FCGRT: variants seen among roughly 807,000 people sequenced by gnomAD.
FCGRT encodes IgG receptor FcRn large subunit p51.
A neutral mutation model predicts 35.7 loss-of-function variants in FCGRT; 13 were observed. The observed-to-expected ratio is 0.36, with a 90% CI of 0.24 to 0.58. FCGRT has a LOEUF of 0.58. Among genes scored for constraint, FCGRT ranks in the 20% least tolerant of loss-of-function variants. The pLI is 0.77. For missense variants in FCGRT, 455 were observed against 474.9 expected, an observed-to-expected ratio of 0.96 and a Z score of 0.39; for synonymous variants, 233 against 216.5, an observed-to-expected ratio of 1.08 and a Z score of -0.67.
intron 1 of FCGRT, 39 bp from the exon 2 acceptor site, chr19:49,513,348 C>CGGGGGGGG: frequency 1.0e-6 from 1 of 987,844 alleles, no homozygotes; most frequent in Non-Finnish European, 1.3e-6. Flanking sequence ...AGGGGCGGGC[C>CGGGGGGGG]GGGGGTCGGG....
chr19:49,514,536 C>G, intron 4 of FCGRT, 50 bp downstream of exon 4: 1 of 1,482,358 alleles, frequency 6.7e-7, no homozygotes, highest in Non-Finnish European at 9.0e-7. Context: ...TCCCGTCATG[C>G]CCACCTGCCT....
At chr19:49,516,116 T>C (rs1363590296) in intron 4 of FCGRT, 3 of 449,354 alleles carry the variant, frequency 6.7e-6, no homozygotes, top group Non-Finnish European at 1.3e-5. Flanking sequence ...GCTCCCAGGC[T>C]GCTGGACAAA....
chr19:49,522,418 A>T (rs2080046338), intron 4 of FCGRT, among the ~76,000 whole-genome samples: 1 of 147,560 alleles, frequency 6.8e-6, no homozygotes, highest in African/African-American at 2.5e-5. Context: ...TCTTTTTTTA[A>T]ATTTTTTAAA....
At position 49,513,429 on chromosome 19, in the gene FCGRT, C is replaced by A; in HGVS notation, c.29C>A (p.Ala10Glu). 1 of 1,241,604 alleles carries A rather than the reference C, an allele frequency of 8.1e-7. No individual in the cohort carries two copies. The highest frequency in any genetic ancestry group is 3.2e-5 in the East Asian group (1 of 31,384). The allele number at this position is 1,241,604 out of a possible 1,614,324, so 76.9% of individuals were successfully genotyped here. The part of the protein sequence containing the change: MGVPRPQPW[A>E]LGLLLFLLPG... ...GGGGTCCCGCGGCCTCAGCCCTGGG[C>A]GCTGGGGCTCCTGCTCTTTCTCCTT... Residue 10 changes from alanine to glutamate, a missense_variant, in exon 2 of 7, where the codon GCG (alanine) becomes GAG (glutamate). Physicochemically the swap from Ala to Glu is moderately radical, Grantham distance 107 (BLOSUM62 -1). Transcript: ENST00000221466.
chr19:49,525,968 C>G (rs1399278931), intron 6 of FCGRT, 42 bp from the exon 7 acceptor site: 5 of 1,257,606 alleles, frequency 4.0e-6, no homozygotes, highest in African/African-American at 1.5e-5. Context: ...CCCAGAGCGC[C>G]TCAGAGATTC....
chr19:49,525,156 C>A (rs555127659), intron 5 of FCGRT: 1 of 511,566 alleles, frequency 2.0e-6, no homozygotes, highest in East Asian at 4.1e-5. Flanking sequence ...TGCTACTGCC[C>A]GGGCCCATGA....
At chr19:49,523,847 A>G (rs1470239690) in intron 4 of FCGRT, among the ~76,000 whole-genome samples, 2 of 148,480 alleles carry the variant, frequency 1.3e-5, no homozygotes, top group African/African-American at 2.5e-5. Context: ...GAGACAGAGC[A>G]AGATTCCATC....
intron 6 of FCGRT, 76 bp from the exon 7 acceptor site, chr19:49,525,934 C>A: frequency 1.1e-6 from 1 of 890,596 alleles, no homozygotes; most frequent in Non-Finnish European, 1.9e-6. Flanking sequence ...GAGACACACA[C>A]ACAAATGGGG....
chr19:49,518,540 T>G (rs1009724193), intron 4 of FCGRT, among the ~76,000 whole-genome samples: 3 of 152,064 alleles, frequency 2.0e-5, no homozygotes, highest in African/African-American at 7.2e-5. Flanking sequence ...TATTTTTGTT[T>G]GTTTGTTTTT....
At chr19:49,524,172 A>G (rs528919353) in intron 4 of FCGRT, among the ~76,000 whole-genome samples, 1 of 151,726 alleles carries the variant, frequency 6.6e-6, no homozygotes, top group South Asian at 2.1e-4. Flanking sequence ...GTGCCCGGCT[A>G]ATTTTTGTAT....
intron 4 of FCGRT, 37 bp from the exon 5 acceptor site, chr19:49,524,470 G>T: frequency 6.3e-7 from 1 of 1,584,858 alleles, no homozygotes; most frequent in Non-Finnish European, 8.6e-7. Context: ...GGAGTGGTGG[G>T]CTCGCGACTT....
At chr19:49,518,873 C>A (rs573318978) in intron 4 of FCGRT, among the ~76,000 whole-genome samples, 1 of 147,230 alleles carries the variant, frequency 6.8e-6, no homozygotes, top group African/African-American at 2.5e-5. Flanking sequence ...GACGGAGTCT[C>A]GCTCTGTCAC....
chr19:49,525,840 T>TGTAGAAAGAGGGGG, intron 6 of FCGRT, 170 bp from the exon 7 acceptor site: 3 of 678,860 alleles, frequency 4.4e-6, no homozygotes, highest in Non-Finnish European at 7.9e-6. Flanking sequence ...GAGGCAAAGA[T>TGTAGAAAGAGGGGG]GTAGAAAGAG....
At position 49,524,625 on chromosome 19, in the gene FCGRT, G is replaced by A; in HGVS notation, c.720G>A (p.Leu240=). The change falls in exon 5 of 7, where the codon CTG becomes CTA. Residue 240 remains leucine (L), a synonymous_variant. Transcript: ENST00000221466. ...AACTTCGGTTCCTGCGGAATGGGCT[G>A]GCCGCTGGCACCGGCCAGGGTGACT... The part of the protein sequence containing the change: ...ELQLRFLRNG[L]AAGTGQGDFG... The A allele has an allele frequency of 6.2e-7, 1 of 1,610,254 alleles. No individual in the cohort carries two copies. The highest frequency in any genetic ancestry group is 2.2e-5 in the East Asian group (1 of 44,882).
At chr19:49,522,917 A>G (rs1057472200) in intron 4 of FCGRT, among the ~76,000 whole-genome samples, 2 of 151,188 alleles carry the variant, frequency 1.3e-5, no homozygotes, top group Non-Finnish European at 1.5e-5. Context: ...GGCTGGGACT[A>G]CAGGCGCCGG....
rs764132164 is a variant in FCGRT, at chr19:49,513,972, C to G, written c.164C>G (p.Pro55Arg). ...PAFWVSGWLGPQQYLSYNSLR... is the reference protein window; with the variant it reads ...PAFWVSGWLGRQQYLSYNSLR... ...TTCTGGGTGTCCGGCTGGCTGGGCCCGCAGCAGTACCTGAGCTACAATAGC... is the reference window on the plus strand; with the variant it reads ...TTCTGGGTGTCCGGCTGGCTGGGCCGGCAGCAGTACCTGAGCTACAATAGC... The change falls in exon 3 of 7, where the codon CCG becomes CGG. Residue 55 changes from proline (P) to arginine (R), a missense_variant. Coordinates refer to ENST00000221466, the MANE Select transcript of FCGRT (RefSeq NM_001136019.3). 5 of 1,613,840 alleles carry G rather than the reference C, an allele frequency of 3.1e-6. No individual in the cohort carries two copies. In the African/African-American group the frequency reaches 4.0e-5, roughly 13 times the overall value.
chr19:49,522,978 C>T (rs183756872), intron 4 of FCGRT, among the ~76,000 whole-genome samples: 149 of 151,612 alleles, frequency 9.8e-4, no homozygotes, highest in African/African-American at 3.5e-3. Context: ...GGGGTTTCAC[C>T]GTGTTAGCCG....
At chr19:49,524,428 C>A in intron 4 of FCGRT, 79 bp from the exon 5 acceptor site, 2 of 1,456,280 alleles carry the variant, frequency 1.4e-6, no homozygotes, top group South Asian at 1.3e-5. Flanking sequence ...AACATGGAGG[C>A]CTCTTTCTGT....
At position 49,524,752 on chromosome 19, in the gene FCGRT, G is replaced by C. The variant is rs995470892; in HGVS notation, c.847G>C (p.Ala283Pro). Reference sequence around the variant, plus strand: ...CTGCATTGTGCAGCACGCGGGGCTGGCGCAGCCCCTCAGGGTGGAGCTGGG... The same window carrying C: ...CTGCATTGTGCAGCACGCGGGGCTGCCGCAGCCCCTCAGGGTGGAGCTGGG... ...YCCIVQHAGL[A>P]QPLRVELESP... The change falls in exon 5 of 7, where the codon GCG (alanine) becomes CCG (proline). Residue 283 changes from alanine to proline, a missense_variant. Physicochemically the swap from Ala to Pro is conservative, Grantham distance 27. Around this residue, in one of 3 missense-constraint regions of FCGRT, gnomAD observed 312 missense variants for 296.1 expected, o/e 1.05. Transcript: ENST00000221466. 1.2e-6 allele frequency: 2 copies of C among 1,600,758 alleles called. No homozygotes were observed. The highest frequency in any genetic ancestry group is 1.1e-5 in the South Asian group (1 of 90,998).
Sources: gnomAD v4.1 joint callset for allele counts (sites outside exome capture counted in the v4.1 genomes callset) on GRCh38, gnomAD v4.1.1 for gene constraint, gnomAD v4.1.1 regional missense constraint, MANE v1.5 for transcripts, NCBI Gene and HGNC (gene_info 2026-07-23, HGNC 2026-07-21) for gene names.